The following PAK1 variants were observed in gnomAD, a reference collection of about 807,000 sequenced individuals.
PAK1 encodes the protein serine/threonine-protein kinase PAK 1.
PAK1 carries 29 observed loss-of-function variants against 67.4 expected under a neutral mutation model. That is an observed-to-expected ratio of 0.43 (90% CI 0.32 to 0.59). The LOEUF is 0.59. PAK1 is among the 20% of genes least tolerant of loss of function. PAK1 has a pLI of 0.07. For synonymous variants in PAK1, 223 were observed against 237.4 expected, an observed-to-expected ratio of 0.94 and a Z score of 0.56; for missense variants, 337 against 670.7, an observed-to-expected ratio of 0.50 and a Z score of 5.50.
At chr11:77,407,865 A>G (rs1592331918) in intron 1 of PAK1, among the ~76,000 whole-genome samples, 1 of 152,118 alleles carries the variant, frequency 6.6e-6, no homozygotes, top group East Asian at 1.9e-4. Flanking sequence ...CAAGGTAATG[A>G]GTGTTTGTTT....
At chr11:77,391,353 T>C (rs1951116514) in intron 2 of PAK1, among the ~76,000 whole-genome samples, 1 of 152,230 alleles carries the variant, frequency 6.6e-6, no homozygotes, top group Admixed American at 6.5e-5. Context: ...ACTTTGTATG[T>C]AGTCTTCACA....
the PAK1 span, among the ~76,000 whole-genome samples, chr11:77,518,459 T>A: frequency 6.6e-6 from 1 of 152,310 alleles, no homozygotes; most frequent in East Asian, 1.9e-4. Flanking sequence ...ACAAAAGTTG[T>A]ATCTACTTAC....
At chr11:77,451,146 T>C (rs1272088704) in intron 1 of PAK1, among the ~76,000 whole-genome samples, 1 of 152,218 alleles carries the variant, frequency 6.6e-6, no homozygotes, top group African/African-American at 2.4e-5. Flanking sequence ...AGCCACCACT[T>C]TGATTCTTTA....
At chr11:77,358,584 A>G (rs1337156073) in intron 6 of PAK1, among the ~76,000 whole-genome samples, 1 of 152,208 alleles carries the variant, frequency 6.6e-6, no homozygotes, top group Non-Finnish European at 1.5e-5. Context: ...AATTTATGTT[A>G]GTCCTGCACT....
intron 14 of PAK1, among the ~76,000 whole-genome samples, chr11:77,331,770 A>C (rs1449572395): frequency 1.2e-4 from 9 of 74,266 alleles, no homozygotes; most frequent in Non-Finnish European, 1.9e-4. Flanking sequence ...ATGTACCCTA[A>C]AACTTAAAAG....
chr11:77,330,091 C>G (rs888654150), intron 14 of PAK1, among the ~76,000 whole-genome samples: 1 of 152,052 alleles, frequency 6.6e-6, no homozygotes, highest in Non-Finnish European at 1.5e-5. Flanking sequence ...TGTGAAGGAC[C>G]TCTTCAAGGA....
chr11:77,354,175 A>G (rs765683676), intron 7 of PAK1, among the ~76,000 whole-genome samples: 12 of 152,176 alleles, frequency 7.9e-5, no homozygotes, highest in African/African-American at 2.9e-4. Flanking sequence ...GTGCAACGAC[A>G]TAGAGGTTTT....
intron 1 of PAK1, among the ~76,000 whole-genome samples, chr11:77,462,869 AAAG>A (rs1445895488): frequency 4.2e-4 from 63 of 151,676 alleles, no homozygotes; most frequent in Admixed American, 1.5e-3. Flanking sequence ...AAAAAAAAAA[AAAG>A]AAGTCATGTG....
intron 5 of PAK1, among the ~76,000 whole-genome samples, chr11:77,368,870 T>C (rs1264597231): frequency 1.3e-5 from 2 of 152,132 alleles, no homozygotes; most frequent in African/African-American, 4.8e-5. Context: ...CCGGTAAAAA[T>C]ACTTTTAAGT....
the PAK1 span, among the ~76,000 whole-genome samples, chr11:77,523,434 T>C: frequency 9.9e-5 from 15 of 151,722 alleles, no homozygotes; most frequent in Non-Finnish European, 2.2e-4. Flanking sequence ...TTTTTTTTTT[T>C]TTTGAGACAA....
At chr11:77,479,591 A>T (rs953373723), upstream of PAK1, among the ~76,000 whole-genome samples, 1 of 148,800 alleles carries the variant, frequency 6.7e-6, no homozygotes, top group Non-Finnish European at 1.5e-5. Flanking sequence ...GAAAAGGCCA[A>T]GAAAAATAAA....
the PAK1 span, among the ~76,000 whole-genome samples, chr11:77,508,086 A>G: frequency 6.6e-6 from 1 of 152,138 alleles, no homozygotes; most frequent in Non-Finnish European, 1.5e-5. Context: ...AATTTTTCAT[A>G]TAAATGGAAT....
chr11:77,466,282 G>C (rs1054053873), intron 1 of PAK1, among the ~76,000 whole-genome samples: 1 of 152,166 alleles, frequency 6.6e-6, no homozygotes, highest in East Asian at 1.9e-4. Flanking sequence ...TAAGTGACTT[G>C]CTGTGGTTAC....
chr11:77,360,789 C>T (rs1415876727), intron 5 of PAK1, among the ~76,000 whole-genome samples: 2 of 152,182 alleles, frequency 1.3e-5, no homozygotes, highest in African/African-American at 4.8e-5. Context: ...TAAGTTAAGT[C>T]TCACATTTTT....
the PAK1 span, among the ~76,000 whole-genome samples, chr11:77,487,160 A>C: frequency 6.6e-6 from 1 of 152,004 alleles, no homozygotes; most frequent in Admixed American, 6.6e-5. Flanking sequence ...ACCCCATTCG[A>C]GGCCCTAGCT....
chr11:77,447,959 C>A (rs893518477), intron 1 of PAK1, among the ~76,000 whole-genome samples: 1 of 152,228 alleles, frequency 6.6e-6, no homozygotes, highest in Non-Finnish European at 1.5e-5. Context: ...TTCCACCACA[C>A]TCCCATTTGA....
intron 1 of PAK1, among the ~76,000 whole-genome samples, chr11:77,415,104 T>G (rs1954876512): frequency 6.6e-6 from 1 of 152,172 alleles, no homozygotes; most frequent in African/African-American, 2.4e-5. Flanking sequence ...GATATATGCA[T>G]GACAAATAAG....
the PAK1 span, among the ~76,000 whole-genome samples, chr11:77,498,691 A>AT: frequency 0.13 from 9,264 of 71,354 alleles, 2,520 homozygotes; most frequent in South Asian, 0.24. Flanking sequence ...CTTGCTTGTA[A>AT]TTTTTTTTTT....
chr11:77,466,513 G>A (rs1039944721), intron 1 of PAK1, among the ~76,000 whole-genome samples: 2 of 151,844 alleles, frequency 1.3e-5, no homozygotes, highest in African/African-American at 4.8e-5. Context: ...TGAGGCAGGG[G>A]AATGGCGTGA....
Sources: allele counts gnomAD v4.1 joint callset (sites outside exome capture counted in the v4.1 genomes callset), GRCh38; gene constraint gnomAD v4.1.1; transcripts MANE v1.5; gene names NCBI Gene and HGNC (gene_info 2026-07-23, HGNC 2026-07-21).